CLVS1: variants seen among roughly 807,000 people sequenced by gnomAD.
The protein encoded by CLVS1 is clavesin 1, also known as clavesin-1.
Under a neutral mutation model 33.1 loss-of-function variants are expected in CLVS1, and 10 were observed. The ratio of observed to expected loss-of-function variants is 0.30; its 90% CI spans 0.19 to 0.51. The LOEUF (loss-of-function observed/expected upper bound fraction) is 0.51, where lower values mean the gene tolerates loss of function less well. Ranked by LOEUF, CLVS1 falls within the 20% of genes least tolerant of loss-of-function variation. CLVS1 has a pLI of 0.97. For synonymous variants in CLVS1, 163 were observed against 166.1 expected (o/e 0.98, Z 0.14); for missense variants, 343 against 433.4 (o/e 0.79, Z 1.85).
the CLVS1 span, chr8:60,967,639 A>C: frequency 2.2e-6 from 1 of 455,858 alleles, no homozygotes; most frequent in Non-Finnish European, 4.4e-6. Context: ...CTTTATCTCC[A>C]GGGCTTCTCG....
rs372792446 is a variant in CLVS1 at position 61,479,615 on chromosome 8, G to A, written c.978-19840G>A. On this transcript the variant is annotated intron_variant, in intron 5 of 5. Transcript: ENST00000325897. ...GTCATTCTCCATCCAGCTTTGTTCC[G>A]TTGCTGGTGAGGAGCTGCATTCCTT... Among the ~76,000 whole-genome samples, 152 of 152,150 alleles carry A rather than the reference G, an allele frequency of 1.0e-3. 2 individuals are homozygous for A. Among genetic ancestry groups the A allele is most frequent in the Non-Finnish European group, 1.2e-3 (80 of 68,012 alleles).
At chr8:61,409,370 A>G (rs988466508) in intron 3 of CLVS1, among the ~76,000 whole-genome samples, 1 of 152,182 alleles carries the variant, frequency 6.6e-6, no homozygotes, top group Non-Finnish European at 1.5e-5. Flanking sequence ...ATTTCATATT[A>G]TATATAGTGC....
At chr8:61,306,252 C>G (rs1469204972) in intron 2 of CLVS1, among the ~76,000 whole-genome samples, 1 of 152,186 alleles carries the variant, frequency 6.6e-6, no homozygotes, top group Non-Finnish European at 1.5e-5. Flanking sequence ...GATGGTACCT[C>G]ACTGTGGTTT....
chr8:61,148,011 G>A (rs541204142), intron 2 of CLVS1, among the ~76,000 whole-genome samples: 6 of 152,324 alleles, frequency 3.9e-5, no homozygotes, highest in African/African-American at 1.2e-4. Context: ...CAATATTTCA[G>A]AACACATATT....
chr8:61,378,883 T>C (rs1813754833), intron 3 of CLVS1, among the ~76,000 whole-genome samples: 1 of 152,198 alleles, frequency 6.6e-6, no homozygotes, highest in South Asian at 2.1e-4. Context: ...TCTGATGTCT[T>C]GAAAAAGCCG....
intron 2 of CLVS1, among the ~76,000 whole-genome samples, chr8:61,313,723 C>G (rs1810919685): frequency 6.6e-6 from 1 of 152,134 alleles, no homozygotes; most frequent in Non-Finnish European, 1.5e-5. Context: ...AAAGCCCAAA[C>G]CAGGGAGACT....
chr8:61,148,437 AG>A (rs1209634831), intron 2 of CLVS1, among the ~76,000 whole-genome samples: 1 of 152,230 alleles, frequency 6.6e-6, no homozygotes, highest in Non-Finnish European at 1.5e-5. Flanking sequence ...AATAGAAAAA[AG>A]TCCACACAAG....
chr8:61,068,209 ATATATATATGTATGTATGTG>A, intron 1 of CLVS1, among the ~76,000 whole-genome samples: 2 of 107,244 alleles, frequency 1.9e-5, no homozygotes, highest in African/African-American at 1.0e-4. Context: ...GTATATATAT[ATATATATATGTATGTATGTG>A]TATATATATA....
rs143561518 is a variant in CLVS1, at chr8:61,421,105, G to A, written c.631-33036G>A. Among the ~76,000 whole-genome samples the A allele has an allele frequency of 4.5e-3, 687 of 152,298 alleles. 4 individuals are homozygous for A. The highest frequency in any genetic ancestry group is 0.016 in the African/African-American group (672 of 41,540). ...TTTTTGCTTTTGAGGTGCATTAGAGGTGGTTGGTGCTTTGGTTGGGATAAA... is the reference window on the plus strand; with the variant it reads ...TTTTTGCTTTTGAGGTGCATTAGAGATGGTTGGTGCTTTGGTTGGGATAAA... On this transcript the variant is annotated intron_variant, in intron 3 of 5. Transcript: ENST00000325897.
At chr8:61,096,831 A>T (rs1489201171) in intron 1 of CLVS1, among the ~76,000 whole-genome samples, 1 of 152,100 alleles carries the variant, frequency 6.6e-6, no homozygotes, top group Admixed American at 6.5e-5. Context: ...GCCTCACCTC[A>T]TAGACGTGAT....
chr8:61,120,612 G>A (rs1452485893), intron 1 of CLVS1, among the ~76,000 whole-genome samples: 5 of 121,494 alleles, frequency 4.1e-5, no homozygotes, highest in South Asian at 3.4e-4. Context: ...TCAGCTGCAG[G>A]TCTGTTGGAA....
chr8:61,254,159 A>G (rs559262674), intron 2 of CLVS1, among the ~76,000 whole-genome samples: 69 of 151,654 alleles, frequency 4.5e-4, no homozygotes, highest in South Asian at 2.3e-3. Flanking sequence ...TCAGCTGCAC[A>G]TCTGTTGGAG....
At chr8:61,064,611 G>T (rs1804642454) in intron 1 of CLVS1, among the ~76,000 whole-genome samples, 1 of 149,528 alleles carries the variant, frequency 6.7e-6, no homozygotes, top group Non-Finnish European at 1.5e-5. Context: ...CACGATCTCA[G>T]CTCACTGCAA....
intron 2 of CLVS1, among the ~76,000 whole-genome samples, chr8:61,203,595 G>T (rs3739353): frequency 6.6e-6 from 1 of 151,828 alleles, no homozygotes; most frequent in Non-Finnish European, 1.5e-5. Flanking sequence ...GTTGCTTGTA[G>T]GATAAGTTAC....
At chr8:61,373,689 T>C (rs558541819) in intron 2 of CLVS1, among the ~76,000 whole-genome samples, 1 of 152,336 alleles carries the variant, frequency 6.6e-6, no homozygotes, top group East Asian at 1.9e-4. Context: ...AATGGTCCTT[T>C]CTCCTTCCTA....
At chr8:61,477,029 G>GAA (rs1817967191) in intron 5 of CLVS1, among the ~76,000 whole-genome samples, 3 of 126,964 alleles carry the variant, frequency 2.4e-5, no homozygotes, top group Non-Finnish European at 5.7e-5. Context: ...TTTATCAAAG[G>GAA]CCTTTTCTGC....
chr8:61,075,395 C>G (rs866447436), intron 1 of CLVS1, among the ~76,000 whole-genome samples: 1 of 152,156 alleles, frequency 6.6e-6, no homozygotes, highest in Non-Finnish European at 1.5e-5. Context: ...ACCATAAGCA[C>G]CCTCCAGTGT....
chr8:61,285,051 G>A (rs1809747878), upstream of CLVS1, among the ~76,000 whole-genome samples: 1 of 152,092 alleles, frequency 6.6e-6, no homozygotes, highest in Non-Finnish European at 1.5e-5. Context: ...AAGGTCTTCA[G>A]ACAGTTATAC....
the CLVS1 span, among the ~76,000 whole-genome samples, chr8:61,013,709 C>T: frequency 6.6e-6 from 1 of 152,196 alleles, no homozygotes; most frequent in African/African-American, 2.4e-5. Flanking sequence ...ACTGTGTGTG[C>T]CGATGCCAAA....
Sources: allele counts gnomAD v4.1 joint callset (sites outside exome capture counted in the v4.1 genomes callset), GRCh38; gene constraint gnomAD v4.1.1; transcripts MANE v1.5; gene names NCBI Gene and HGNC (gene_info 2026-07-23, HGNC 2026-07-21).